The following HS6ST3 variants were observed in gnomAD, a reference collection of about 807,000 sequenced individuals.
HS6ST3 encodes the protein heparan-sulfate 6-O-sulfotransferase 3.
Under a neutral mutation model 36.7 loss-of-function variants are expected in HS6ST3, and 12 were observed. The observed-to-expected ratio is 0.33, with a 90% confidence interval of 0.21 to 0.53. HS6ST3 has a LOEUF of 0.53. HS6ST3 is among the 20% of genes least tolerant of loss of function. The probability of loss-of-function intolerance (pLI) is 0.95; values close to 1 mark genes in which losing one functional copy is unlikely to be tolerated. For missense variants in HS6ST3, 584 were observed against 640.9 expected, an observed-to-expected ratio of 0.91 and a Z score of 0.96; for synonymous variants, 240 against 257.5, an observed-to-expected ratio of 0.93 and a Z score of 0.65.
At chr13:96,643,840 C>T (rs756361179) in intron 1 of HS6ST3, among the ~76,000 whole-genome samples, 7 of 151,872 alleles carry the variant, frequency 4.6e-5, no homozygotes, top group Non-Finnish European at 1.5e-5. Flanking sequence ...AAGGTTACCT[C>T]AGAAATGAGG....
chr13:96,636,872 G>T (rs967700467), intron 1 of HS6ST3, among the ~76,000 whole-genome samples: 2 of 151,994 alleles, frequency 1.3e-5, no homozygotes, highest in Non-Finnish European at 2.9e-5. Context: ...TTTCCATTCT[G>T]CTGTTTGAAG....
intron 1 of HS6ST3, among the ~76,000 whole-genome samples, chr13:96,162,466 C>A (rs975697747): frequency 6.6e-6 from 1 of 152,094 alleles, no homozygotes; most frequent in African/African-American, 2.4e-5. Context: ...GTTTTGGGAC[C>A]TTTGGGTTTG....
chr13:96,649,710 C>T lies in HS6ST3; in HGVS notation c.708-182780C>T, dbSNP rs556684261. On this transcript the variant is annotated intron_variant, in intron 1 of 1. Coordinates refer to ENST00000376705, the MANE Select transcript of HS6ST3 (RefSeq NM_153456.4). ...ATGGTAGAAGCTGCTCAAGAGTCTC[C>T]CGTTTTTTATCCTTGCCCCTTTACA... is the stretch of plus-strand genomic sequence containing the variant. Among the ~76,000 whole-genome samples, 7 of 152,030 alleles carry T rather than the reference C, an allele frequency of 4.6e-5. No individual in the cohort carries two copies. The East Asian group carries it at 1.4e-3, about 29-fold the overall frequency.
chr13:96,398,776 C>T (rs1342820311), intron 1 of HS6ST3, among the ~76,000 whole-genome samples: 3 of 152,202 alleles, frequency 2.0e-5, no homozygotes, highest in Admixed American at 1.3e-4. Context: ...AGGACAGAAG[C>T]GCTGTCCCTC....
chr13:96,340,004 G>A (rs1042535773), intron 1 of HS6ST3, among the ~76,000 whole-genome samples: 3 of 152,178 alleles, frequency 2.0e-5, no homozygotes, highest in Non-Finnish European at 2.9e-5. Flanking sequence ...GTTGCGTAAG[G>A]TGAACCAAGA....
At chr13:96,210,124 T>C (rs894227697) in intron 1 of HS6ST3, among the ~76,000 whole-genome samples, 7 of 152,194 alleles carry the variant, frequency 4.6e-5, no homozygotes, top group African/African-American at 1.7e-4. Flanking sequence ...CTATGTGTAC[T>C]TTTTTGCTAT....
chr13:96,567,346 G>A (rs1378035094), intron 1 of HS6ST3, among the ~76,000 whole-genome samples: 1 of 152,094 alleles, frequency 6.6e-6, no homozygotes, highest in Non-Finnish European at 1.5e-5. Context: ...TGAGTTACCA[G>A]AGAGGGGGTG....
chr13:96,799,970 ATATATATATATG>A (rs1878013795), intron 1 of HS6ST3, among the ~76,000 whole-genome samples: 7 of 92,628 alleles, frequency 7.6e-5, no homozygotes, highest in African/African-American at 2.9e-4. Flanking sequence ...ATATGTGTAT[ATATATATATATG>A]TATATATATA....
chr13:96,467,700 TTAACCCACC>T (rs1370120738), intron 1 of HS6ST3, among the ~76,000 whole-genome samples: 1 of 152,204 alleles, frequency 6.6e-6, no homozygotes, highest in Non-Finnish European at 1.5e-5. Context: ...TCTTCACATA[TTAACCCACC>T]TAATCCTTAT....
In HS6ST3 at chr13:96,799,960, A is replaced by ATG. The variant is rs1351276695; in HGVS notation, c.708-32529_708-32528insGT. ...TATGTGTGTGTATATATATATATAT[A>ATG]TATGTGTATATATATATATATGTAT... On this transcript the variant is annotated intron_variant, in intron 1 of 1. Coordinates refer to ENST00000376705, the MANE Select transcript of HS6ST3 (RefSeq NM_153456.4). 3.0e-3 allele frequency among the ~76,000 whole-genome samples: 251 copies of ATG among 82,866 alleles called. 12 individuals are homozygous for ATG. The highest frequency in any genetic ancestry group is 0.011 in the African/African-American group (203 of 18,854). The allele number at this position is 82,866 out of a possible 152,430, so 54.4% of individuals were successfully genotyped here.
rs71113994 is a variant in HS6ST3 at position 96,385,195 on chromosome 13, AG to A, written c.707+293627del. On this transcript the variant is annotated intron_variant, in intron 1 of 1. Transcript: ENST00000376705. ...ACTCTGTATCCAAAAAAAAAAAAAA[AG>A]AAAAGATTTTTTTCAAGATTAAAAT... 4.2e-4 allele frequency among the ~76,000 whole-genome samples: 62 copies of A among 147,692 alleles called. 3 individuals carry two copies. Among genetic ancestry groups the A allele is most frequent in the Middle Eastern group, 3.5e-3 (1 of 286 alleles).
At chr13:96,756,030 A>T (rs992276709) in intron 1 of HS6ST3, among the ~76,000 whole-genome samples, 1 of 152,164 alleles carries the variant, frequency 6.6e-6, no homozygotes, top group Non-Finnish European at 1.5e-5. Flanking sequence ...TAAGTGTGAA[A>T]TGTTAACTCA....
At chr13:96,590,315 G>A (rs1053229800) in intron 1 of HS6ST3, among the ~76,000 whole-genome samples, 1 of 152,094 alleles carries the variant, frequency 6.6e-6, no homozygotes, top group East Asian at 1.9e-4. Flanking sequence ...CAGTGTATGA[G>A]GATTCCCTTT....
chr13:96,262,292 G>GT (rs751747948), intron 1 of HS6ST3, among the ~76,000 whole-genome samples: 11 of 152,146 alleles, frequency 7.2e-5, no homozygotes, highest in Non-Finnish European at 1.3e-4. Flanking sequence ...TTAAAAGACT[G>GT]TTAGGGCCCA....
chr13:96,214,397 C>T (rs1257761301), intron 1 of HS6ST3, among the ~76,000 whole-genome samples: 1 of 152,114 alleles, frequency 6.6e-6, no homozygotes, highest in Non-Finnish European at 1.5e-5. Context: ...GGGAGTAGCC[C>T]TGCCATGGTG....
At chr13:96,225,670 A>G (rs571507849) in intron 1 of HS6ST3, among the ~76,000 whole-genome samples, 2 of 152,364 alleles carry the variant, frequency 1.3e-5, no homozygotes, top group East Asian at 3.9e-4. Flanking sequence ...AATAAATGAT[A>G]CATTTACAAA....
intron 1 of HS6ST3, among the ~76,000 whole-genome samples, chr13:96,237,266 T>C (rs116297283): frequency 1.0e-3 from 156 of 152,308 alleles, no homozygotes; most frequent in African/African-American, 3.7e-3. Flanking sequence ...GCCAACAGAA[T>C]GAAGTTTATT....
At chr13:96,485,346 A>C (rs2055908984) in intron 1 of HS6ST3, among the ~76,000 whole-genome samples, 1 of 152,076 alleles carries the variant, frequency 6.6e-6, no homozygotes, top group Non-Finnish European at 1.5e-5. Flanking sequence ...TTAGGGTGCT[A>C]AGGTAAATAG....
chr13:96,298,476 C>T (rs549785189), intron 1 of HS6ST3, among the ~76,000 whole-genome samples: 4 of 152,302 alleles, frequency 2.6e-5, no homozygotes, highest in South Asian at 2.1e-4. Context: ...TCTTTAGGCT[C>T]GTTGGCAAAG....
Sources: gnomAD v4.1 joint callset for allele counts (sites outside exome capture counted in the v4.1 genomes callset) on GRCh38, gnomAD v4.1.1 for gene constraint, MANE v1.5 for transcripts, NCBI Gene and HGNC (gene_info 2026-07-23, HGNC 2026-07-21) for gene names.